PARPBP: variants seen among roughly 807,000 people sequenced by gnomAD.
PARPBP encodes PARP1 binding protein.
PARPBP carries 52 observed loss-of-function variants against 50.0 expected under a neutral mutation model. The ratio of observed to expected loss-of-function variants is 1.04; its 90% CI spans 0.83 to 1.31. The LOEUF is 1.31. Ranked by LOEUF, PARPBP falls within the 50% of genes most tolerant of loss-of-function variation. The probability of loss-of-function intolerance (pLI) is 0.00; values close to 1 mark genes in which losing one functional copy is unlikely to be tolerated. For synonymous variants in PARPBP, 244 were observed against 232.1 expected (o/e 1.05, Z -0.47); for missense variants, 697 against 672.0 (o/e 1.04, Z -0.41).
At chr12:102,122,971 C>G (rs1429791595) in intron 1 of PARPBP, among the ~76,000 whole-genome samples, 18 of 152,070 alleles carry the variant, frequency 1.2e-4, no homozygotes, top group Admixed American at 1.2e-3. Flanking sequence ...TTAAAATAAC[C>G]ATTTCCTTCT....
chr12:102,165,983 A>G, intron 6 of PARPBP, 100 bp downstream of exon 6: 1 of 750,712 alleles, frequency 1.3e-6, no homozygotes, highest in East Asian at 2.7e-5. Context: ...CAAGCATCAG[A>G]CCAAACGGTG....
In PARPBP at chr12:102,165,871, TACCAA is replaced by T. The variant is rs932382246; in HGVS notation, c.813_817del (p.Asn272LysfsTer17). ...AAATTAGATGAGATTCTTGGAGAAA[TACCAA>T]ACCCAAGGTAATGACTTTTCATATA... On this transcript the variant is annotated frameshift_variant, in exon 6 of 11. Coordinates refer to ENST00000327680, the MANE Select transcript of PARPBP (RefSeq NM_017915.5). LOFTEE classifies it high-confidence loss of function. 1 of 1,550,334 alleles carries T rather than the reference TACCAA, an allele frequency of 6.5e-7. No homozygotes were observed.
At chr12:102,167,366 T>C (rs1346444187) in intron 6 of PARPBP, among the ~76,000 whole-genome samples, 1 of 152,176 alleles carries the variant, frequency 6.6e-6, no homozygotes, top group Non-Finnish European at 1.5e-5. Flanking sequence ...ATCTGCTTCC[T>C]GAATGGTCTT....
chr12:102,157,960 A>G (rs796070226), intron 4 of PARPBP, among the ~76,000 whole-genome samples: 7 of 151,936 alleles, frequency 4.6e-5, no homozygotes, highest in African/African-American at 1.7e-4. Flanking sequence ...CTCTACTAAA[A>G]ATACAAAAAA....
chr12:102,121,960 G>A (rs1032568402), intron 1 of PARPBP, among the ~76,000 whole-genome samples: 14 of 152,116 alleles, frequency 9.2e-5, no homozygotes, highest in Non-Finnish European at 4.4e-5. Context: ...TCGTTGACTT[G>A]TCATAAAACC....
chr12:102,140,683 G>C (rs1884439104), intron 2 of PARPBP, among the ~76,000 whole-genome samples: 1 of 152,144 alleles, frequency 6.6e-6, no homozygotes, highest in Non-Finnish European at 1.5e-5. Flanking sequence ...GGTGTGTTGT[G>C]TCTTTGTTCT....
intron 3 of PARPBP, among the ~76,000 whole-genome samples, chr12:102,152,490 A>C (rs972240891): frequency 6.6e-6 from 1 of 152,192 alleles, no homozygotes; most frequent in African/African-American, 2.4e-5. Flanking sequence ...GATGTTCTAC[A>C]TATGTGGTAA....
At chr12:102,168,448 G>A (rs561038694) in intron 6 of PARPBP, among the ~76,000 whole-genome samples, 1 of 152,180 alleles carries the variant, frequency 6.6e-6, no homozygotes, top group South Asian at 2.1e-4. Context: ...GTCTTCAACT[G>A]GGTATCTGAA....
chr12:102,157,245 A>G (rs890500124), intron 4 of PARPBP, among the ~76,000 whole-genome samples: 6 of 152,206 alleles, frequency 3.9e-5, no homozygotes, highest in Admixed American at 2.0e-4. Flanking sequence ...CCTATTTGAA[A>G]GTAAGTTGCT....
intron 1 of PARPBP, among the ~76,000 whole-genome samples, chr12:102,120,860 A>G (rs1049493079): frequency 2.0e-5 from 3 of 152,202 alleles, no homozygotes; most frequent in African/African-American, 7.2e-5. Flanking sequence ...CAGGTCATAA[A>G]GGGGGAGCCT....
chr12:102,188,593 T>A (rs529123339), intron 9 of PARPBP, among the ~76,000 whole-genome samples: 2 of 152,222 alleles, frequency 1.3e-5, no homozygotes, highest in South Asian at 4.2e-4. Context: ...ATCTGTAGCT[T>A]CTAGAGTTCC....
chr12:102,159,835 C>T lies in PARPBP; in HGVS notation c.496-4603C>T, dbSNP rs79153493. 2.0e-3 allele frequency among the ~76,000 whole-genome samples: 304 copies of T among 152,252 alleles called. 1 individual carries two copies. Among genetic ancestry groups the T allele is most frequent in the African/African-American group, 6.9e-3 (288 of 41,546 alleles). ...AATCTTCTCAGCTTAGAAAAACTGA[C>T]TTTCTTCAAACTGAGGTTGAATATC... On this transcript the variant is annotated intron_variant, in intron 4 of 10. Coordinates refer to ENST00000327680, the MANE Select transcript of PARPBP (RefSeq NM_017915.5).
chr12:102,173,890 C>T (rs1509675), intron 6 of PARPBP, among the ~76,000 whole-genome samples: 17,865 of 144,844 alleles, frequency 0.12, 1,386 homozygotes, highest in African/African-American at 0.21. Flanking sequence ...TTTGTCTCTT[C>T]GGTGATATGT....
At chr12:102,161,052 A>G (rs1887529047) in intron 4 of PARPBP, among the ~76,000 whole-genome samples, 1 of 152,098 alleles carries the variant, frequency 6.6e-6, no homozygotes, top group South Asian at 2.1e-4. Flanking sequence ...GTGACTTAGA[A>G]TACCTTTCTT....
At chr12:102,156,913 A>T (rs1887016036) in intron 4 of PARPBP, among the ~76,000 whole-genome samples, 1 of 152,244 alleles carries the variant, frequency 6.6e-6, no homozygotes, top group Admixed American at 6.5e-5. Flanking sequence ...AAGTGCTGGG[A>T]TTACAGGCAT....
At chr12:102,146,820 T>A (rs1344774627) in intron 2 of PARPBP, among the ~76,000 whole-genome samples, 1 of 152,222 alleles carries the variant, frequency 6.6e-6, no homozygotes, top group Non-Finnish European at 1.5e-5. Context: ...CCTACTCATC[T>A]GACAAAGGGC....
chr12:102,190,482 A>G (rs7310495), intron 9 of PARPBP, among the ~76,000 whole-genome samples: 28,184 of 151,932 alleles, frequency 0.19, 2,661 homozygotes, highest in Non-Finnish European at 0.21. Context: ...TTCAACCTTG[A>G]TTTTGTTTCA....
intron 2 of PARPBP, among the ~76,000 whole-genome samples, chr12:102,128,640 T>G (rs1180172257): frequency 2.0e-5 from 3 of 152,230 alleles, no homozygotes; most frequent in Admixed American, 6.5e-5. Context: ...ACATCCATGT[T>G]GTTACAAATG....
intron 2 of PARPBP, among the ~76,000 whole-genome samples, chr12:102,127,113 G>T (rs1183121060): frequency 1.3e-5 from 2 of 152,064 alleles, no homozygotes; most frequent in Non-Finnish European, 2.9e-5. Flanking sequence ...TACATTTATG[G>T]GCTAGACACA....
Sources: allele counts gnomAD v4.1 joint callset (sites outside exome capture counted in the v4.1 genomes callset), GRCh38; gene constraint gnomAD v4.1.1; transcripts MANE v1.5; gene names NCBI Gene and HGNC (gene_info 2026-07-23, HGNC 2026-07-21).